Variants in ABCC2 observed in about 807,000 individuals in gnomAD.
ABCC2 encodes ATP binding cassette subfamily C member 2, also known as ATP-binding cassette sub-family C member 2.
ABCC2 carries 157 observed loss-of-function variants against 173.4 expected under a neutral mutation model. That is an observed-to-expected ratio of 0.91 (90% CI 0.80 to 1.03). The LOEUF is 1.03. Ranked by LOEUF, ABCC2 falls within the 50% of genes least tolerant of loss-of-function variation. The pLI is 0.00. For synonymous variants in ABCC2, 657 were observed against 693.5 expected (o/e 0.95, Z 0.83); for missense variants, 1,822 against 1,852.3 (o/e 0.98, Z 0.30).
chr10:99,841,218 C>G (rs1794011869), intron 25 of ABCC2, among the ~76,000 whole-genome samples: 1 of 152,050 alleles, frequency 6.6e-6, no homozygotes, highest in South Asian at 2.1e-4. Flanking sequence ...CATTGCTTCC[C>G]CAGCCTGATC....
Position 99,851,576 on chromosome 10 carries a change from TTTAC to T in ABCC2, c.4586_4589del (p.Tyr1529LeufsTer11). On this transcript the variant is annotated frameshift_variant, in exon 32 of 32. Transcript: ENST00000647814. LOFTEE classifies it high-confidence loss of function. ...GAACTGCTACAAATCCCTGGACCCT[TTTAC>T]TTTATGGCTAAGGAAGCTGGCATTG... is the stretch of plus-strand genomic sequence containing the variant. The T allele has an allele frequency of 6.2e-7, 1 of 1,614,140 alleles. No homozygotes were observed. The highest frequency in any genetic ancestry group is 8.5e-7 in the Non-Finnish European group (1 of 1,180,016).
chr10:99,851,119 C>G (rs1755407289), intron 31 of ABCC2, among the ~76,000 whole-genome samples: 1 of 152,234 alleles, frequency 6.6e-6, no homozygotes, highest in Non-Finnish European at 1.5e-5. Context: ...TCCTGAGCCT[C>G]AGCTGCTGCT....
chr10:99,814,475 G>GTGTATATGTGTA (rs2038328034), intron 16 of ABCC2, among the ~76,000 whole-genome samples: 1 of 131,528 alleles, frequency 7.6e-6, no homozygotes, highest in East Asian at 2.4e-4. Flanking sequence ...ACATATGTGT[G>GTGTATATGTGTA]TATATACATA....
intron 25 of ABCC2, among the ~76,000 whole-genome samples, chr10:99,838,149 G>A (rs2038858233): frequency 7.2e-5 from 6 of 83,798 alleles, no homozygotes; most frequent in African/African-American, 2.2e-4. Context: ...GGCCGGGCGG[G>A]GGGCTGACCC....
At chr10:99,798,180 G>A (rs1304642748) in intron 7 of ABCC2, 1 of 152,256 alleles carries the variant, frequency 6.6e-6, no homozygotes, top group Non-Finnish European at 1.5e-5. Flanking sequence ...AGCTTACTTG[G>A]GCGGCTCCCC....
At chr10:99,800,105 T>G (rs2037988281) in intron 8 of ABCC2, among the ~76,000 whole-genome samples, 1 of 152,120 alleles carries the variant, frequency 6.6e-6, no homozygotes, top group Admixed American at 6.5e-5. Context: ...GAGGCTGAGG[T>G]GGGAGGATCA....
rs550503777 is a variant in ABCC2, at chr10:99,816,328, G to T, written c.2095-980G>T. Among the ~76,000 whole-genome samples, 6 of 150,140 alleles carry T rather than the reference G, an allele frequency of 4.0e-5. No individual in the cohort carries two copies. The East Asian group carries it at 1.2e-3, about 30-fold the overall frequency. ...AGATGGAGCCTCACTCTGTCTCCCA[G>T]GCTGGAGTGCAGTGGCCCAATCTCA... On this transcript the variant is annotated intron_variant, in intron 16 of 31. Transcript: ENST00000647814.
At chr10:99,790,071 T>G (rs552609026) in intron 2 of ABCC2, among the ~76,000 whole-genome samples, 1 of 152,312 alleles carries the variant, frequency 6.6e-6, no homozygotes, top group East Asian at 1.9e-4. Context: ...CATACACAGC[T>G]TTGTATATAC....
At chr10:99,793,713 A>G in intron 4 of ABCC2, 28 bp downstream of exon 4, 1 of 1,614,064 alleles carries the variant, frequency 6.2e-7, no homozygotes, top group South Asian at 1.1e-5. Flanking sequence ...GGATGACATG[A>G]GGAGGTACCA....
chr10:99,806,060 A>G (rs1012136205), intron 11 of ABCC2, among the ~76,000 whole-genome samples: 1 of 114,458 alleles, frequency 8.7e-6, no homozygotes, highest in African/African-American at 3.8e-5. Flanking sequence ...AATCTACTAC[A>G]GTCTCTCTCT....
intron 2 of ABCC2, among the ~76,000 whole-genome samples, chr10:99,791,206 G>C (rs2037806105): frequency 6.6e-6 from 1 of 152,162 alleles, no homozygotes; most frequent in Non-Finnish European, 1.5e-5. Context: ...TCAGGAGCTT[G>C]AGACCAGCCT....
intron 9 of ABCC2, among the ~76,000 whole-genome samples, chr10:99,801,694 T>C (rs1016887485): frequency 6.6e-6 from 1 of 152,258 alleles, no homozygotes; most frequent in Non-Finnish European, 1.5e-5. Context: ...CAGGAGGAGA[T>C]AGGTTCCAAT....
chr10:99,833,792 A>G (rs986256062), intron 23 of ABCC2, among the ~76,000 whole-genome samples: 3 of 152,208 alleles, frequency 2.0e-5, no homozygotes, highest in Non-Finnish European at 4.4e-5. Context: ...CCAATCATAG[A>G]ATCAATATAA....
intron 30 of ABCC2, among the ~76,000 whole-genome samples, chr10:99,849,354 C>CGTT (rs1271312673): frequency 6.6e-6 from 1 of 152,204 alleles, no homozygotes; most frequent in African/African-American, 2.4e-5. Context: ...AATGCCAGTA[C>CGTT]AGTCTGTGCT....
intron 9 of ABCC2, among the ~76,000 whole-genome samples, chr10:99,801,976 T>A (rs987590232): frequency 2.6e-5 from 4 of 152,188 alleles, no homozygotes; most frequent in African/African-American, 9.6e-5. Flanking sequence ...TCCAGTTGAT[T>A]TTTAAAATCT....
chr10:99,798,393 A>T (rs2037957869), intron 7 of ABCC2, among the ~76,000 whole-genome samples: 1 of 152,190 alleles, frequency 6.6e-6, no homozygotes, highest in East Asian at 1.9e-4. Flanking sequence ...GAGGCTGGTG[A>T]CTGAGTCGTA....
intron 16 of ABCC2, among the ~76,000 whole-genome samples, chr10:99,814,118 TAC>T (rs1205213484): frequency 7.1e-6 from 1 of 140,584 alleles, no homozygotes; most frequent in African/African-American, 2.7e-5. Flanking sequence ...TATGTGTATA[TAC>T]ACACATATGT....
Position 99,813,125 on chromosome 10 carries a change from A to G in ABCC2, c.2075A>G (p.His692Arg). Reference sequence around the variant, plus strand: ...ATGCTGGGAGAAATGGAAAATGTCCACGGGCACATCACCATCAAGGTGAGA... The same window carrying G: ...ATGCTGGGAGAAATGGAAAATGTCCGCGGGCACATCACCATCAAGGTGAGA... ...SAMLGEMENV[H>R]GHITIKGTTA... is the part of the protein sequence containing the mutation. The change falls in exon 16 of 32, where the codon CAC becomes CGC. Residue 692 changes from histidine to arginine, a missense_variant. Transcript: ENST00000647814. 1 of 1,613,924 alleles carries G rather than the reference A, an allele frequency of 6.2e-7. No homozygotes were observed. Among genetic ancestry groups the G allele is most frequent in the Non-Finnish European group, 8.5e-7 (1 of 1,179,864 alleles).
In ABCC2 at chr10:99,830,370, C is replaced by G; in HGVS notation, c.2684C>G (p.Pro895Arg). ...CTGATATCCAGTGTGGAAGAGATCC[C>G]CGAAGATGCAGCCTCCATAACCATG... ...YGLISSVEEI[P>R]EDAASITMRR... Residue 895 changes from proline to arginine, a missense_variant, in exon 20 of 32, where the codon CCC becomes CGC. Physicochemically the swap from Pro to Arg is moderately radical, Grantham distance 103. Coordinates refer to ENST00000647814, the MANE Select transcript of ABCC2 (RefSeq NM_000392.5). 1.2e-6 allele frequency: 2 copies of G among 1,614,132 alleles called. No individual in the cohort carries two copies. Among genetic ancestry groups the G allele is most frequent in the South Asian group, 2.2e-5 (2 of 91,080 alleles).
Sources: allele counts gnomAD v4.1 joint callset (sites outside exome capture counted in the v4.1 genomes callset), GRCh38; gene constraint gnomAD v4.1.1; transcripts MANE v1.5; gene names NCBI Gene and HGNC (gene_info 2026-07-23, HGNC 2026-07-21).